The following PABIR3 variants were observed in gnomAD, a reference collection of about 807,000 sequenced individuals.
PABIR3 encodes the protein PABIR family member 3, also known as PABIR family member 1.
PABIR3 carries 20 observed loss-of-function variants against 23.1 expected under a neutral mutation model. That is an observed-to-expected ratio of 0.86 (90% CI 0.61 to 1.26). PABIR3 has a LOEUF of 1.26. PABIR3 is among the 50% of genes most tolerant of loss of function. The pLI is 0.00. For missense variants in PABIR3, 189 were observed against 195.4 expected (o/e 0.97, Z 0.20); for synonymous variants, 69 against 68.5 (o/e 1.01, Z -0.04).
At chrX:134,845,142 T>G (rs373240651) in intron 4 of PABIR3, 63 bp from the exon 5 acceptor site, 15 of 943,369 alleles carry the variant, frequency 1.6e-5, no homozygotes, top group Non-Finnish European at 2.1e-5. Flanking sequence ...CCAAATGAAA[T>G]CAAATTTTAT....
intron 3 of PABIR3, among the ~76,000 whole-genome samples, chrX:134,819,111 A>G (rs373321397): frequency 1.9e-5 from 2 of 107,731 alleles, no homozygotes; most frequent in African/African-American, 6.8e-5. Context: ...TAATGTTCGT[A>G]TTTTTAGTAG....
At chrX:134,851,194 G>A (rs1381297497) in intron 9 of PABIR3, among the ~76,000 whole-genome samples, 1 of 111,147 alleles carries the variant, frequency 9.0e-6, no homozygotes, top group East Asian at 2.8e-4. Context: ...CAAAGCATAT[G>A]ATGTCATATT....
At chrX:134,811,759 CTGCCCCAGAGCCAAA>C (rs2080684529) in intron 2 of PABIR3, among the ~76,000 whole-genome samples, 1 of 111,728 alleles carries the variant, frequency 9.0e-6, no homozygotes, top group Non-Finnish European at 1.9e-5. Flanking sequence ...AGGCAAATTA[CTGCCCCAGAGCCAAA>C]TGCAGCCCAC....
chrX:134,849,559 C>T (rs2082551775), intron 9 of PABIR3, among the ~76,000 whole-genome samples: 1 of 111,482 alleles, frequency 9.0e-6, no homozygotes, highest in Non-Finnish European at 1.9e-5. Flanking sequence ...GTGAGTCAGT[C>T]ATCAAGTATT....
intron 10 of PABIR3, 59 bp from the exon 11 acceptor site, chrX:134,854,030 CAG>C (rs2082722566): frequency 9.7e-6 from 11 of 1,136,157 alleles, no homozygotes; most frequent in African/African-American, 5.4e-5. Context: ...GTAGACAAAG[CAG>C]AGTATACAGA....
At chrX:134,850,659 A>G (rs754780495) in intron 9 of PABIR3, among the ~76,000 whole-genome samples, 3 of 112,607 alleles carry the variant, frequency 2.7e-5, no homozygotes, top group African/African-American at 9.7e-5. Flanking sequence ...TGTATACATA[A>G]ATAGGTTATC....
the PABIR3 span, among the ~76,000 whole-genome samples, chrX:134,862,506 GA>G: frequency 1.8e-5 from 2 of 111,565 alleles, no homozygotes; most frequent in Admixed American, 9.6e-5. Flanking sequence ...ATATATAACA[GA>G]AAAAAATTCT....
chrX:134,839,166 G>T (rs1412058591), intron 4 of PABIR3: 17 of 84,085 alleles, frequency 2.0e-4, no homozygotes, highest in Admixed American at 7.5e-4. Flanking sequence ...TCGTCTGGGA[G>T]GTGAGGAGCC....
Position 134,816,407 on chromosome X carries a change from G to A in PABIR3, c.189+1558G>A, listed in dbSNP as rs758332464. Among the ~76,000 whole-genome samples the A allele has an allele frequency of 3.6e-5, 4 of 112,350 alleles. No individual in the cohort carries two copies. The South Asian group carries it at 1.5e-3, about 41-fold the overall frequency. On this transcript the variant is annotated intron_variant, in intron 3 of 10. Coordinates refer to ENST00000645433, the MANE Select transcript of PABIR3 (RefSeq NM_001388447.1). The stretch of plus-strand genomic sequence containing the variant: ...ACGATCTTGGCTCACTGCAATCTCT[G>A]CCTCCCGGGTTCAGGCGATTCTCCT...
intron 3 of PABIR3, among the ~76,000 whole-genome samples, chrX:134,824,172 T>TA (rs1166439331): frequency 8.9e-6 from 1 of 112,018 alleles, no homozygotes; most frequent in African/African-American, 3.2e-5. Flanking sequence ...GAGCCTTCGT[T>TA]ACGTGTATTT....
the PABIR3 span, among the ~76,000 whole-genome samples, chrX:134,860,180 C>T: frequency 9.0e-5 from 10 of 110,703 alleles, no homozygotes; most frequent in African/African-American, 2.6e-4. Context: ...GCAGCTTCCA[C>T]CTCCCAGTTC....
chrX:134,845,238 A>G lies in PABIR3; in HGVS notation c.280A>G (p.Met94Val), dbSNP rs933471702. Residue 94 changes from methionine (M) to valine (V), a missense_variant, in exon 5 of 11, where the codon ATG becomes GTG. By Grantham distance (21) the Met-to-Val change is conservative. Transcript: ENST00000645433. ...EAMDLINRET[M>V]SEWKLQSEIQ... The stretch of plus-strand genomic sequence containing the variant: ...CATGGATTTAATAAATAGAGAAACA[A>G]TGTCTGAATGGTGAGTACTGTACTT... The G allele has an allele frequency of 2.5e-6, 3 of 1,191,143 alleles. No homozygotes were observed. The highest frequency in any genetic ancestry group is 1.8e-5 in the African/African-American group (1 of 56,641).
chrX:134,841,610 A>G (rs1415051255), intron 4 of PABIR3, among the ~76,000 whole-genome samples: 1 of 111,269 alleles, frequency 9.0e-6, no homozygotes, highest in African/African-American at 3.3e-5. Context: ...TGGGTAGATC[A>G]TCTGAGGTCA....
downstream of PABIR3, among the ~76,000 whole-genome samples, chrX:134,855,584 G>T (rs984297248): frequency 1.8e-5 from 2 of 111,693 alleles, no homozygotes; most frequent in African/African-American, 6.5e-5. Flanking sequence ...TCTCAAATAC[G>T]TATAAAAGAC....
At chrX:134,812,181 T>C (rs1286414436) in intron 2 of PABIR3, among the ~76,000 whole-genome samples, 1 of 112,493 alleles carries the variant, frequency 8.9e-6, no homozygotes, top group East Asian at 2.8e-4. Flanking sequence ...TATAAATTCA[T>C]GTTGAATGAT....
At position 134,820,163 on chromosome X, in the gene PABIR3, C is replaced by T. The variant is rs1056495640; in HGVS notation, c.189+5314C>T. ...AGCTCTTATATATATTTAAAGATGT[C>T]GAGAAGGATATCTATCAACCTATCT... On this transcript the variant is annotated intron_variant, in intron 3 of 10. Coordinates refer to ENST00000645433, the MANE Select transcript of PABIR3 (RefSeq NM_001388447.1). Among the ~76,000 whole-genome samples, 4 of 110,975 alleles carry T rather than the reference C, an allele frequency of 3.6e-5. No individual in the cohort carries two copies. The East Asian group carries it at 1.1e-3, about 32-fold the overall frequency.
At chrX:134,848,723 C>T (rs1422988509) in intron 8 of PABIR3, among the ~76,000 whole-genome samples, 1 of 111,593 alleles carries the variant, frequency 9.0e-6, no homozygotes, top group East Asian at 2.8e-4. Context: ...GTAAAATGGC[C>T]GAGCATGGTG....
chrX:134,800,527 C>T (rs1364796788), intron 1 of PABIR3, among the ~76,000 whole-genome samples: 1 of 111,723 alleles, frequency 9.0e-6, no homozygotes, highest in African/African-American at 3.3e-5. Context: ...CGTGGTGGCT[C>T]ACGCCTGTAA....
Position 134,807,593 on chromosome X carries a change from C to T in PABIR3, c.-6C>T. The T allele has an allele frequency of 8.3e-7, 1 of 1,210,362 alleles. No individual in the cohort carries two copies. The highest frequency in any genetic ancestry group is 1.1e-6 in the Non-Finnish European group (1 of 894,797). ...AAGCCTTGAGAACTTATTCCTCGAC[C>T]CGGACATGGCACAGGAGAAAATGAA... is the stretch of plus-strand genomic sequence containing the variant. On this transcript the variant is annotated 5_prime_UTR_variant, in exon 2 of 11. Transcript: ENST00000645433.
Sources: allele counts gnomAD v4.1 joint callset (sites outside exome capture counted in the v4.1 genomes callset), GRCh38; gene constraint gnomAD v4.1.1; transcripts MANE v1.5; gene names NCBI Gene and HGNC (gene_info 2026-07-23, HGNC 2026-07-21).